RBMS3: variants seen among roughly 807,000 people sequenced by gnomAD.
RBMS3 encodes RNA-binding motif, single-stranded-interacting protein 3.
Under a neutral mutation model 66.8 loss-of-function variants are expected in RBMS3, and 27 were observed. The ratio of observed to expected loss-of-function variants is 0.40; its 90% confidence interval spans 0.30 to 0.56. The LOEUF (loss-of-function observed/expected upper bound fraction) is 0.56. Ranked by LOEUF, RBMS3 falls within the 20% of genes least tolerant of loss-of-function variation. The pLI, the probability that RBMS3 is intolerant of heterozygous loss-of-function variation, is 0.40. For synonymous variants in RBMS3, 188 were observed against 183.0 expected (o/e 1.03, Z -0.22); for missense variants, 513 against 549.5 (o/e 0.93, Z 0.66).
chr3:29,811,893 C>G (rs147029562), intron 6 of RBMS3, among the ~76,000 whole-genome samples: 1 of 152,104 alleles, frequency 6.6e-6, no homozygotes, highest in East Asian at 1.9e-4. Flanking sequence ...TATGCTCTGC[C>G]GTTTCTTAGG....
chr3:29,739,814 A>C lies in RBMS3; in HGVS notation c.494A>C (p.His165Pro), dbSNP rs374122218. Residue 165 changes from histidine to proline, a missense_variant, in exon 5 of 15, where the codon CAT becomes CCT. Transcript: ENST00000383767. ...GAGAATATGCTGAAACCCTTTGGAC[A>C]TGTCATTTCCACAAGAATACTAAGA... ...ELENMLKPFG[H>P]VISTRILRDA... 7.4e-6 allele frequency: 12 copies of C among 1,613,192 alleles called. No homozygotes were observed. The African/African-American group carries it at 1.5e-4, about 20-fold the overall frequency.
intron 2 of RBMS3, among the ~76,000 whole-genome samples, chr3:29,476,631 G>A (rs1437764920): frequency 1.3e-5 from 2 of 151,914 alleles, no homozygotes; most frequent in Admixed American, 1.3e-4. Context: ...AAATAGCTGT[G>A]GTCTCTTTCA....
intron 10 of RBMS3, among the ~76,000 whole-genome samples, chr3:29,917,519 G>A (rs1300367753): frequency 6.6e-6 from 1 of 152,176 alleles, no homozygotes; most frequent in African/African-American, 2.4e-5. Flanking sequence ...TTGGGGAAGA[G>A]AGAAATCAAA....
chr3:29,659,572 G>A (rs1200463119), intron 4 of RBMS3, among the ~76,000 whole-genome samples: 1 of 151,970 alleles, frequency 6.6e-6, no homozygotes, highest in Non-Finnish European at 1.5e-5. Context: ...TTCTTCCTAT[G>A]GTTGAATACT....
intron 5 of RBMS3, among the ~76,000 whole-genome samples, chr3:29,752,124 G>A (rs116239316): frequency 0.026 from 3,954 of 152,254 alleles, 73 homozygotes; most frequent in Non-Finnish European, 0.034. Context: ...TTTATCGTGT[G>A]GTGGAAGTAG....
intron 5 of RBMS3, among the ~76,000 whole-genome samples, chr3:29,760,704 G>A (rs1026236689): frequency 2.0e-5 from 3 of 151,580 alleles, no homozygotes; most frequent in Non-Finnish European, 4.4e-5. Flanking sequence ...ACAGTAAAAG[G>A]TTCCACTGGA....
At chr3:29,665,581 A>C (rs1163142821) in intron 4 of RBMS3, among the ~76,000 whole-genome samples, 1 of 152,192 alleles carries the variant, frequency 6.6e-6, no homozygotes, top group Non-Finnish European at 1.5e-5. Flanking sequence ...CTTTGCAAAC[A>C]GAATTGATGG....
intron 4 of RBMS3, among the ~76,000 whole-genome samples, chr3:29,606,280 C>T (rs1367790179): frequency 6.6e-6 from 1 of 151,922 alleles, no homozygotes; most frequent in African/African-American, 2.4e-5. Context: ...TTATTTGGAA[C>T]CTGATTCCCA....
Position 30,010,019 on chromosome 3 carries a change from T to G in RBMS3, c.*6157T>G, listed in dbSNP as rs979178926. 1 of 151,916 alleles carries G rather than the reference T, an allele frequency of 6.6e-6. No homozygotes were observed. The highest frequency in any genetic ancestry group is 2.4e-5 in the African/African-American group (1 of 41,348). 9.4% of individuals were successfully genotyped at this position (151,916 alleles called of 1,614,324 possible). A position where few individuals can be genotyped will look rare whatever the true frequency, so the allele number is the denominator to read the frequency against. ...CAAAAGAAGAAGAAGAAAAATGGAA[T>G]CTTAATTTAAAAAAATATATGTAGT... On this transcript the variant is annotated 3_prime_UTR_variant, in exon 15 of 15. Coordinates refer to ENST00000383767, the MANE Select transcript of RBMS3 (RefSeq NM_001003793.3).
At chr3:29,948,550 T>C (rs1188500545) in intron 12 of RBMS3, among the ~76,000 whole-genome samples, 3 of 151,798 alleles carry the variant, frequency 2.0e-5, no homozygotes, top group Non-Finnish European at 4.4e-5. Context: ...ATGAGCTAAT[T>C]ACAAATAATT....
At chr3:29,851,995 G>A (rs2058946720) in intron 6 of RBMS3, among the ~76,000 whole-genome samples, 1 of 152,020 alleles carries the variant, frequency 6.6e-6, no homozygotes, top group East Asian at 1.9e-4. Flanking sequence ...TAGGCCAATG[G>A]GACAGAACAG....
At chr3:29,337,776 A>T (rs1227664431) in intron 1 of RBMS3, among the ~76,000 whole-genome samples, 1 of 152,184 alleles carries the variant, frequency 6.6e-6, no homozygotes, top group Non-Finnish European at 1.5e-5. Flanking sequence ...AAGCACAAAT[A>T]AAAAACAACC....
intron 4 of RBMS3, among the ~76,000 whole-genome samples, chr3:29,647,655 G>A (rs2049977749): frequency 6.6e-6 from 1 of 152,144 alleles, no homozygotes; most frequent in South Asian, 2.1e-4. Flanking sequence ...CGCAGGCTGG[G>A]TATTCAGAGC....
rs538395382 is a variant in RBMS3 at position 29,992,906 on chromosome 3, T to C, written c.1307+1697T>C. ...TTGCTAAAACTAGGCTATAAAGAAC[T>C]GGCAAGAATGGGGGCAAAAGTCTAC... is the stretch of plus-strand genomic sequence containing the variant. On this transcript the variant is annotated intron_variant, in intron 14 of 14. Transcript: ENST00000383767. Among the ~76,000 whole-genome samples the C allele has an allele frequency of 5.3e-5, 8 of 152,256 alleles. No homozygotes were observed. The East Asian group carries it at 1.6e-3, about 30-fold the overall frequency.
chr3:29,618,287 G>T (rs1246966161), intron 4 of RBMS3, among the ~76,000 whole-genome samples: 1 of 152,156 alleles, frequency 6.6e-6, no homozygotes. Flanking sequence ...CTGAGGTCAA[G>T]AGTTCAAGAC....
intron 6 of RBMS3, among the ~76,000 whole-genome samples, chr3:29,774,294 G>T (rs1024037907): frequency 1.3e-5 from 2 of 151,884 alleles, no homozygotes; most frequent in Non-Finnish European, 2.9e-5. Flanking sequence ...TTATAAAAGG[G>T]ATACACCATT....
chr3:29,404,392 G>T (rs6549939), intron 1 of RBMS3, among the ~76,000 whole-genome samples: 36,635 of 151,962 alleles, frequency 0.24, 5,621 homozygotes, highest in African/African-American at 0.42. Flanking sequence ...GATTCTGTTT[G>T]TATTTTGATG....
intron 12 of RBMS3, among the ~76,000 whole-genome samples, chr3:29,944,842 A>T (rs1695187894): frequency 6.6e-6 from 1 of 151,760 alleles, no homozygotes; most frequent in African/African-American, 2.4e-5. Flanking sequence ...TATACAAAAA[A>T]GTGGCAGAGG....
At chr3:29,653,212 A>T (rs1188961503) in intron 4 of RBMS3, among the ~76,000 whole-genome samples, 1 of 152,292 alleles carries the variant, frequency 6.6e-6, no homozygotes, top group East Asian at 1.9e-4. Context: ...CTTATTAGCC[A>T]TTAGATCTCA....
Sources: gnomAD v4.1 joint callset for allele counts (sites outside exome capture counted in the v4.1 genomes callset) on GRCh38, gnomAD v4.1.1 for gene constraint, MANE v1.5 for transcripts, NCBI Gene and HGNC (gene_info 2026-07-23, HGNC 2026-07-21) for gene names.